The following ZFAT variants were observed in gnomAD, a reference collection of about 807,000 sequenced individuals.
The protein encoded by ZFAT is zinc finger and AT-hook domain containing, also known as zinc finger protein ZFAT.
A neutral mutation model predicts 117.7 loss-of-function variants in ZFAT; 64 were observed. The ratio of observed to expected loss-of-function variants is 0.54; its 90% confidence interval spans 0.44 to 0.67. ZFAT has a LOEUF of 0.67. ZFAT is among the 30% of genes least tolerant of loss of function. The pLI is 0.00. For missense variants in ZFAT, 1,433 were observed against 1,584.5 expected, an observed-to-expected ratio of 0.90 and a Z score of 1.62; for synonymous variants, 679 against 615.0, an observed-to-expected ratio of 1.10 and a Z score of -1.54.
chr8:134,816,329 T>C, the ZFAT span, among the ~76,000 whole-genome samples: 1 of 152,146 alleles, frequency 6.6e-6, no homozygotes, highest in Non-Finnish European at 1.5e-5. Context: ...TTTTGCCAAT[T>C]ATGCTCTAAA....
At chr8:134,808,800 TA>T in the ZFAT span, among the ~76,000 whole-genome samples, 1 of 152,242 alleles carries the variant, frequency 6.6e-6, no homozygotes, top group South Asian at 2.1e-4. Flanking sequence ...TTATCCCTGC[TA>T]AACCCAGCTA....
chr8:134,650,232 T>G (rs1433016685), intron 2 of ZFAT, among the ~76,000 whole-genome samples: 2 of 151,748 alleles, frequency 1.3e-5, no homozygotes, highest in Non-Finnish European at 2.9e-5. Context: ...AAGTGATTCT[T>G]CTGCTGCCTC....
intron 3 of ZFAT, among the ~76,000 whole-genome samples, chr8:134,621,987 A>T (rs1179343539): frequency 6.6e-6 from 1 of 152,236 alleles, no homozygotes; most frequent in Admixed American, 6.5e-5. Flanking sequence ...ACTTATCTGC[A>T]TCTGCAGAAT....
Position 134,662,783 on chromosome 8 carries a change from CTG to C in ZFAT, c.20-5048_20-5047del, listed in dbSNP as rs370096862. Among the ~76,000 whole-genome samples the C allele has an allele frequency of 7.2e-3, 1,098 of 152,316 alleles. 16 individuals carry two copies. Among genetic ancestry groups the C allele is most frequent in the African/African-American group, 0.024 (1,012 of 41,564 alleles). On this transcript the variant is annotated intron_variant, in intron 1 of 15. Transcript: ENST00000377838. ...GCAGGGAGGCAAGCGTACAGAAAGA[CTG>C]TGCAGACAGCATGTAAAAAGGCCAG... is the stretch of plus-strand genomic sequence containing the variant.
the ZFAT span, among the ~76,000 whole-genome samples, chr8:134,729,279 G>T: frequency 6.6e-6 from 1 of 152,198 alleles, no homozygotes; most frequent in African/African-American, 2.4e-5. Flanking sequence ...AAAATTGGGA[G>T]ATGGCTGGAT....
chr8:134,533,712 T>A (rs1040394720), intron 11 of ZFAT, among the ~76,000 whole-genome samples: 1 of 152,234 alleles, frequency 6.6e-6, no homozygotes, highest in Non-Finnish European at 1.5e-5. Flanking sequence ...ACTTTCGGGA[T>A]GAGGCCACAA....
chr8:134,739,790 G>A, the ZFAT span, among the ~76,000 whole-genome samples: 1 of 152,218 alleles, frequency 6.6e-6, no homozygotes, highest in African/African-American at 2.4e-5. Context: ...TGTAGCAGAG[G>A]CTGAGGACTC....
chr8:134,703,974 A>G (rs975402641), intron 1 of ZFAT, among the ~76,000 whole-genome samples: 8 of 152,226 alleles, frequency 5.3e-5, no homozygotes, highest in African/African-American at 1.9e-4. Flanking sequence ...ATCCTCCTCT[A>G]TGAAAACTCT....
chr8:134,704,975 A>G (rs1834109888), intron 1 of ZFAT, among the ~76,000 whole-genome samples: 1 of 152,228 alleles, frequency 6.6e-6, no homozygotes, highest in Non-Finnish European at 1.5e-5. Flanking sequence ...AGATACAAAA[A>G]GCACTTCCGA....
At chr8:134,533,028 C>T (rs969712310) in intron 11 of ZFAT, 56 bp from the exon 12 acceptor site, 1 of 1,552,672 alleles carries the variant, frequency 6.4e-7, no homozygotes, top group Non-Finnish European at 8.7e-7. Context: ...TCTGCCTTCG[C>T]TGCTGCTCCC....
chr8:134,509,591 TG>T, intron 15 of ZFAT, 27 bp downstream of exon 15: 2 of 1,611,234 alleles, frequency 1.2e-6, no homozygotes, highest in Non-Finnish European at 1.7e-6. Flanking sequence ...CACACAGAGA[TG>T]AATAGTTACA....
chr8:134,706,484 G>C (rs1406104560), intron 1 of ZFAT, among the ~76,000 whole-genome samples: 1 of 152,140 alleles, frequency 6.6e-6, no homozygotes, highest in African/African-American at 2.4e-5. Flanking sequence ...TTGAGGTCAG[G>C]AGTTCCAGAC....
At chr8:134,608,909 T>A (rs766263175) in intron 4 of ZFAT, 30 bp from the exon 5 acceptor site, 1 of 1,589,678 alleles carries the variant, frequency 6.3e-7, no homozygotes, top group Non-Finnish European at 8.5e-7. Context: ...CATTGCTTAT[T>A]GAGAGGCATC....
intron 15 of ZFAT, among the ~76,000 whole-genome samples, chr8:134,487,773 C>T (rs757798922): frequency 9.8e-5 from 15 of 152,366 alleles, no homozygotes; most frequent in Middle Eastern, 6.8e-3. Flanking sequence ...GTGCCCCCTA[C>T]AACGCTGTGC....
the ZFAT span, among the ~76,000 whole-genome samples, chr8:134,816,824 T>C: frequency 1.3e-5 from 2 of 151,690 alleles, no homozygotes; most frequent in African/African-American, 4.8e-5. Context: ...CTACCAAAAA[T>C]ACAAAAATTA....
intron 13 of ZFAT, among the ~76,000 whole-genome samples, chr8:134,515,412 T>G (rs1563797220): frequency 1.3e-5 from 2 of 152,206 alleles, no homozygotes; most frequent in Non-Finnish European, 2.9e-5. Flanking sequence ...GCAAACTAAT[T>G]TACATTCCCA....
At chr8:134,535,937 T>G (rs1586662622) in intron 11 of ZFAT, among the ~76,000 whole-genome samples, 2 of 152,080 alleles carry the variant, frequency 1.3e-5, no homozygotes, top group Non-Finnish European at 2.9e-5. Flanking sequence ...CATCGGGCAG[T>G]CAGTGGGCAT....
At chr8:134,824,983 T>C in the ZFAT span, among the ~76,000 whole-genome samples, 59 of 152,316 alleles carry the variant, frequency 3.9e-4, no homozygotes, top group African/African-American at 1.4e-3. Context: ...TAAACTTGAA[T>C]TTTCCTAACA....
intron 15 of ZFAT, among the ~76,000 whole-genome samples, chr8:134,500,891 A>G (rs1028410697): frequency 6.6e-6 from 1 of 152,206 alleles, no homozygotes; most frequent in South Asian, 2.1e-4. Context: ...GTATGAGAAC[A>G]CTTTTAAGAG....
Sources: gnomAD v4.1 joint callset for allele counts (sites outside exome capture counted in the v4.1 genomes callset) on GRCh38, gnomAD v4.1.1 for gene constraint, MANE v1.5 for transcripts, NCBI Gene and HGNC (gene_info 2026-07-23, HGNC 2026-07-21) for gene names.